Variants in CBX6 observed in about 807,000 individuals in gnomAD.
The protein encoded by CBX6 is chromobox protein homolog 6.
CBX6 carries 7 observed loss-of-function variants against 28.4 expected under a neutral mutation model. That is an observed-to-expected ratio of 0.25 (90% confidence interval 0.14 to 0.46). CBX6 has a LOEUF of 0.46. CBX6 is among the 20% of genes least tolerant of loss of function. The pLI is 0.99. For missense variants in CBX6, 512 were observed against 606.1 expected (o/e 0.84, Z 1.63); for synonymous variants, 297 against 273.4 (o/e 1.09, Z -0.85).
intron 4 of CBX6, among the ~76,000 whole-genome samples, 182 bp from the exon 5 acceptor site, chr22:38,867,383 A>C (rs1568996274): frequency 6.6e-6 from 1 of 152,170 alleles, no homozygotes; most frequent in Non-Finnish European, 1.5e-5. Flanking sequence ...AGATGAAGCA[A>C]TTTGCCTCTG....
chr22:38,869,300 CAG>C (rs1181633678), intron 4 of CBX6, among the ~76,000 whole-genome samples: 1 of 152,148 alleles, frequency 6.6e-6, no homozygotes, highest in Non-Finnish European at 1.5e-5. Flanking sequence ...GGGGGAGGGG[CAG>C]AGTGTGGGCA....
Position 38,862,405 on chromosome 22 carries a change from A to G in CBX6, c.*3804T>C, listed in dbSNP as rs1472407126. The G allele has an allele frequency of 6.6e-6, 1 of 151,946 alleles. No individual in the cohort carries two copies. Among genetic ancestry groups the G allele is most frequent in the Non-Finnish European group, 1.5e-5 (1 of 67,966 alleles). 9.4% of individuals were successfully genotyped at this position (151,946 alleles called of 1,614,324 possible). On this transcript the variant is annotated 3_prime_UTR_variant, in exon 5 of 5. Coordinates refer to ENST00000407418, the MANE Select transcript of CBX6 (RefSeq NM_014292.5). Reference sequence around the variant, plus strand: ...TTTCAATGTCTTCCTTTTTTCTTTAAAAGTGTTTCCTCAAACCATCCCCGT... The same window carrying G: ...TTTCAATGTCTTCCTTTTTTCTTTAGAAGTGTTTCCTCAAACCATCCCCGT...
At position 38,866,895 on chromosome 22, in the gene CBX6, C is replaced by G; in HGVS notation, c.553G>C (p.Ala185Pro). 6.3e-7 allele frequency: 1 copy of G among 1,596,578 alleles called. No homozygotes were observed. The highest frequency in any genetic ancestry group is 8.5e-7 in the Non-Finnish European group (1 of 1,173,008). ...ILNLKVIDKGAGGGGAGQGAG... is the reference protein window; with the variant it reads ...ILNLKVIDKGPGGGGAGQGAG... ...CCCTGCCCGGCGCCCCCGCCGCCAG[C>G]GCCCTTGTCGATCACCTTCAGGTTC... Residue 185 changes from alanine to proline, a missense_variant, in exon 5 of 5, where the codon GCT becomes CCT. Ala to Pro is a conservative substitution (Grantham distance 27). This residue lies in a region of CBX6 where 290 missense variants were observed against 274.1 expected (regional missense o/e 1.06). Transcript: ENST00000407418. The surrounding 1 kb of genome is among the most constrained non-coding windows in gnomAD (Gnocchi z 7.5).
In CBX6 at chr22:38,865,993, C is replaced by T. The variant is rs2093168397; in HGVS notation, c.*216G>A. On this transcript the variant is annotated 3_prime_UTR_variant, in exon 5 of 5. Coordinates refer to ENST00000407418, the MANE Select transcript of CBX6 (RefSeq NM_014292.5). ...CACCCAGTGGGCTACCATGCATGGG[C>T]AGGGGGTGTGCCCTTCCCCTGCCCC... 3.4e-6 allele frequency: 2 copies of T among 586,982 alleles called. No individual in the cohort carries two copies. Among genetic ancestry groups the T allele is most frequent in the Admixed American group, 6.2e-5 (2 of 32,238 alleles). The allele number at this position is 586,982 out of a possible 1,614,324, so 36.4% of individuals were successfully genotyped here.
At position 38,871,183 on chromosome 22, in the gene CBX6, TC is replaced by T. The variant is rs2093181223; in HGVS notation, c.246+296del. ...AACAAATGCCCCCTTCCCATGGGCA[TC>T]CCCCACCTGCCTCAGCCACCCCCTT... On this transcript the variant is annotated intron_variant, in intron 4 of 4. Transcript: ENST00000407418. The surrounding 1 kb of genome is among the most constrained non-coding windows in gnomAD (Gnocchi z 5.6). 5.9e-6 allele frequency: 3 copies of T among 505,006 alleles called. No homozygotes were observed. The highest frequency in any genetic ancestry group is 7.5e-5 in the Admixed American group (2 of 26,506). 31.3% of individuals were successfully genotyped at this position (505,006 alleles called of 1,614,324 possible). A position where few individuals can be genotyped will look rare whatever the true frequency, so the allele number is the denominator to read the frequency against.
intron 4 of CBX6, among the ~76,000 whole-genome samples, chr22:38,867,996 C>G (rs552346132): frequency 2.0e-5 from 3 of 152,186 alleles, no homozygotes; most frequent in African/African-American, 7.2e-5. Flanking sequence ...GTGCAGAGGT[C>G]GTGGGCAGCC....
At position 38,870,330 on chromosome 22, in the gene CBX6, AG is replaced by A. The variant is rs2093179155; in HGVS notation, c.246+1149del. The stretch of plus-strand genomic sequence containing the variant: ...CCTGTATTAGGCCCACAGCCAGCTC[AG>A]GAACCAAAAGAACTATCAAGAAAAA... On this transcript the variant is annotated intron_variant, in intron 4 of 4. Transcript: ENST00000407418. The surrounding 1 kb of genome is among the most constrained non-coding windows in gnomAD (Gnocchi z 4.3). 6.6e-6 allele frequency: 1 copy of A among 152,286 alleles called. No homozygotes were observed. The highest frequency in any genetic ancestry group is 1.5e-5 in the Non-Finnish European group (1 of 68,072). 9.4% of individuals were successfully genotyped at this position (152,286 alleles called of 1,614,324 possible). A position where few individuals can be genotyped will look rare whatever the true frequency, so the allele number is the denominator to read the frequency against.
At position 38,864,311 on chromosome 22, in the gene CBX6, C is replaced by T. The variant is rs555363814; in HGVS notation, c.*1898G>A. 1 of 151,804 alleles carries T rather than the reference C, an allele frequency of 6.6e-6. No individual in the cohort carries two copies. The highest frequency in any genetic ancestry group is 2.4e-5 in the African/African-American group (1 of 41,314). The allele number at this position is 151,804 out of a possible 1,614,324, so 9.4% of individuals were successfully genotyped here. On this transcript the variant is annotated 3_prime_UTR_variant, in exon 5 of 5. Transcript: ENST00000407418. ...CATAAAATCACCTCTGAAAACACAA[C>T]TTCTTTACAAAAAAGTCACGAATGA...
Position 38,865,513 on chromosome 22 carries a change from T to A in CBX6, c.*696A>T, listed in dbSNP as rs1201387973. On this transcript the variant is annotated 3_prime_UTR_variant, in exon 5 of 5. Coordinates refer to ENST00000407418, the MANE Select transcript of CBX6 (RefSeq NM_014292.5). ...CGGCAGGTTCTCGTAGCACCTTTGGTCAAGAACTGAAGGGGCCTTTAGATG... is the reference window on the plus strand; with the variant it reads ...CGGCAGGTTCTCGTAGCACCTTTGGACAAGAACTGAAGGGGCCTTTAGATG... 2 of 152,734 alleles carry A rather than the reference T, an allele frequency of 1.3e-5. No homozygotes were observed. The highest frequency in any genetic ancestry group is 4.8e-5 in the African/African-American group (2 of 41,422). The allele number at this position is 152,734 out of a possible 1,614,324, so 9.5% of individuals were successfully genotyped here. A position where few individuals can be genotyped will look rare whatever the true frequency, so the allele number is the denominator to read the frequency against.
chr22:38,868,669 G>A (rs547689824), intron 4 of CBX6, among the ~76,000 whole-genome samples: 13 of 152,216 alleles, frequency 8.5e-5, no homozygotes, highest in Admixed American at 8.5e-4. Context: ...TTAGGTGATG[G>A]CTGCCCTCAA....
rs770266997 is a variant in CBX6, at chr22:38,865,959, T to C, written c.*250A>G. 2 of 544,930 alleles carry C rather than the reference T, an allele frequency of 3.7e-6. No homozygotes were observed. The highest frequency in any genetic ancestry group is 6.5e-6 in the Non-Finnish European group (2 of 308,398). 33.8% of individuals were successfully genotyped at this position (544,930 alleles called of 1,614,324 possible). ...AGAGGAACCCTAGTTTCTAGGGCTTTCCAGAAACCACCCAGTGGGCTACCA... is the reference window on the plus strand; with the variant it reads ...AGAGGAACCCTAGTTTCTAGGGCTTCCCAGAAACCACCCAGTGGGCTACCA... On this transcript the variant is annotated 3_prime_UTR_variant, in exon 5 of 5. Coordinates refer to ENST00000407418, the MANE Select transcript of CBX6 (RefSeq NM_014292.5).
Position 38,863,119 on chromosome 22 carries a change from G to C in CBX6, c.*3090C>G, listed in dbSNP as rs564371852. ...ACCTTGACCCCCCACCTGGTACTGG[G>C]CAGCTGCTCTGACACCAGCAGCGCT... is the stretch of plus-strand genomic sequence containing the variant. On this transcript the variant is annotated 3_prime_UTR_variant, in exon 5 of 5. Coordinates refer to ENST00000407418, the MANE Select transcript of CBX6 (RefSeq NM_014292.5). The C allele has an allele frequency of 5.9e-5, 9 of 152,350 alleles. No homozygotes were observed. Among genetic ancestry groups the C allele is most frequent in the African/African-American group, 2.2e-4 (9 of 41,570 alleles). The allele number at this position is 152,350 out of a possible 1,614,324, so 9.4% of individuals were successfully genotyped here. A position where few individuals can be genotyped will look rare whatever the true frequency, so the allele number is the denominator to read the frequency against.
rs1181169557 is a variant in CBX6 at position 38,862,170 on chromosome 22, C to G, written c.*4039G>C. On this transcript the variant is annotated 3_prime_UTR_variant, in exon 5 of 5. Coordinates refer to ENST00000407418, the MANE Select transcript of CBX6 (RefSeq NM_014292.5). ...AGGCACTCACTGCTGGAGTGAGGCA[C>G]TGACTCCTCCAAAGATTGCAGGGGG... 2.0e-5 allele frequency: 3 copies of G among 152,190 alleles called. No homozygotes were observed. The highest frequency in any genetic ancestry group is 7.2e-5 in the African/African-American group (3 of 41,440). 9.4% of individuals were successfully genotyped at this position (152,190 alleles called of 1,614,324 possible).
rs2093159290 is a variant in CBX6 at position 38,862,450 on chromosome 22, G to A, written c.*3759C>T. On this transcript the variant is annotated 3_prime_UTR_variant, in exon 5 of 5. Coordinates refer to ENST00000407418, the MANE Select transcript of CBX6 (RefSeq NM_014292.5). ...CCCCGTCCCAAAGAGGCCGCCTTGG[G>A]CAAGTGCATGGGAGCCCGGAAGTGG... is the stretch of plus-strand genomic sequence containing the variant. 6.8e-6 allele frequency: 1 copy of A among 146,650 alleles called. No individual in the cohort carries two copies. Among genetic ancestry groups the A allele is most frequent in the Non-Finnish European group, 1.5e-5 (1 of 67,504 alleles). 9.1% of individuals were successfully genotyped at this position (146,650 alleles called of 1,614,324 possible).
intron 4 of CBX6, 27 bp from the exon 5 acceptor site, chr22:38,867,228 G>GCA: frequency 1.9e-6 from 1 of 518,862 alleles, no homozygotes; most frequent in Non-Finnish European, 3.6e-6. Flanking sequence ...GGGTGGGTGG[G>GCA]ACCTCAGGAC....
Position 38,867,177 on chromosome 22 carries a change from G to A in CBX6, c.271C>T (p.Arg91Cys). The change falls in exon 5 of 5, where the codon CGC (arginine) becomes TGC (cysteine). Residue 91 changes from arginine (R) to cysteine (C), a missense_variant. This residue lies in a region of CBX6 where 123 missense variants were observed against 138.1 expected (regional missense o/e 0.89). Coordinates refer to ENST00000407418, the MANE Select transcript of CBX6 (RefSeq NM_014292.5). Reference sequence around the variant, plus strand: ...ACAGAGAAATGCACATCACTGATGCGGAGGGCCTCGGCCTGGGCCCGCGCC... The same window carrying A: ...ACAGAGAAATGCACATCACTGATGCAGAGGGCCTCGGCCTGGGCCCGCGCC... ...LKARAQAEAL[R>C]ISDVHFSVKP... 1.9e-6 allele frequency: 3 copies of A among 1,543,724 alleles called. No homozygotes were observed. The highest frequency in any genetic ancestry group is 2.6e-6 in the Non-Finnish European group (3 of 1,150,180).
chr22:38,863,776 A>G lies in CBX6; in HGVS notation c.*2433T>C, dbSNP rs2093163081. 6.6e-6 allele frequency: 1 copy of G among 152,144 alleles called. No homozygotes were observed. The highest frequency in any genetic ancestry group is 1.5e-5 in the Non-Finnish European group (1 of 68,032). The allele number at this position is 152,144 out of a possible 1,614,324, so 9.4% of individuals were successfully genotyped here. A position where few individuals can be genotyped will look rare whatever the true frequency, so the allele number is the denominator to read the frequency against. ...ATCCCCTTTCAGGCCAGGGAGGCTC[A>G]GAGAGGTTGTGGGCTTTAGGGTGAC... On this transcript the variant is annotated 3_prime_UTR_variant, in exon 5 of 5. Transcript: ENST00000407418.
chr22:38,866,123 G>A lies in CBX6; in HGVS notation c.*86C>T. On this transcript the variant is annotated 3_prime_UTR_variant, in exon 5 of 5. Transcript: ENST00000407418. This position sits in a 1 kb window ranked among gnomAD's most constrained non-coding sequence, Gnocchi z 7.5. ...GAGACAAGCAAAGCACAGGGAGAGA[G>A]GGCTGGGGGCAAGGGTGGGGTGGGA... 3 of 981,176 alleles carry A rather than the reference G, an allele frequency of 3.1e-6. No homozygotes were observed. The highest frequency in any genetic ancestry group is 3.0e-6 in the Non-Finnish European group (2 of 664,792). 60.8% of individuals were successfully genotyped at this position (981,176 alleles called of 1,614,324 possible). A position where few individuals can be genotyped will look rare whatever the true frequency, so the allele number is the denominator to read the frequency against.
chr22:38,862,900 G>A lies in CBX6; in HGVS notation c.*3309C>T, dbSNP rs755382326. 2.0e-5 allele frequency: 3 copies of A among 152,308 alleles called. No individual in the cohort carries two copies. The highest frequency in any genetic ancestry group is 3.8e-4 in the East Asian group (2 of 5,202). 9.4% of individuals were successfully genotyped at this position (152,308 alleles called of 1,614,324 possible). A position where few individuals can be genotyped will look rare whatever the true frequency, so the allele number is the denominator to read the frequency against. On this transcript the variant is annotated 3_prime_UTR_variant, in exon 5 of 5. Coordinates refer to ENST00000407418, the MANE Select transcript of CBX6 (RefSeq NM_014292.5). The stretch of plus-strand genomic sequence containing the variant: ...CGCATTCCCCCAGTGAAGCAGCTGC[G>A]CTTCTCCAAAACCATTTTCACCTCT...
Sources: allele counts gnomAD v4.1 joint callset (sites outside exome capture counted in the v4.1 genomes callset), GRCh38; gene constraint gnomAD v4.1.1; regional missense constraint gnomAD v4.1.1; non-coding constraint Gnocchi (gnomAD v3.1); transcripts MANE v1.5; gene names NCBI Gene and HGNC (gene_info 2026-07-23, HGNC 2026-07-21).